Variants in PCDH9 observed in about 807,000 individuals in gnomAD.
PCDH9 encodes protocadherin-9.
A neutral mutation model predicts 70.6 loss-of-function variants in PCDH9; 24 were observed. The observed-to-expected ratio is 0.34, with a 90% CI of 0.25 to 0.48. The LOEUF is 0.48. Among genes scored for constraint, PCDH9 ranks in the 20% least tolerant of loss-of-function variants. PCDH9 has a pLI of 0.99. For missense variants in PCDH9, 1,281 were observed against 1,503.6 expected, an observed-to-expected ratio of 0.85 and a Z score of 2.45; for synonymous variants, 562 against 558.5, an observed-to-expected ratio of 1.01 and a Z score of -0.09.
chr13:67,088,053 G>A (rs1571393), intron 2 of PCDH9, among the ~76,000 whole-genome samples: 138,217 of 151,766 alleles, frequency 0.91, 63,027 homozygotes, highest in Middle Eastern at 0.93. Context: ...TAGGAATTGC[G>A]GCTACTCTGC....
intron 2 of PCDH9, among the ~76,000 whole-genome samples, chr13:66,911,393 AATAGAG>A (rs1462983683): frequency 6.6e-6 from 1 of 152,180 alleles, no homozygotes; most frequent in African/African-American, 2.4e-5. Flanking sequence ...TCTCTAACTT[AATAGAG>A]ATAAACTGGA....
chr13:67,163,035 CAT>C (rs1465719661), intron 2 of PCDH9, among the ~76,000 whole-genome samples: 1 of 152,038 alleles, frequency 6.6e-6, no homozygotes, highest in African/African-American at 2.4e-5. Context: ...AATTAATCAC[CAT>C]ATATAGATAG....
intron 4 of PCDH9, among the ~76,000 whole-genome samples, chr13:66,523,914 G>A (rs1264105259): frequency 6.6e-6 from 1 of 151,930 alleles, no homozygotes; most frequent in African/African-American, 2.4e-5. Context: ...TTTATAATGG[G>A]TTATACATTT....
intron 3 of PCDH9, among the ~76,000 whole-genome samples, chr13:66,848,570 A>G (rs1183714532): frequency 6.6e-6 from 1 of 152,176 alleles, no homozygotes; most frequent in East Asian, 1.9e-4. Flanking sequence ...CCCAAATCTT[A>G]TCATCAGTAT....
chr13:66,911,495 A>G (rs767510673), intron 2 of PCDH9, among the ~76,000 whole-genome samples: 2 of 152,172 alleles, frequency 1.3e-5, no homozygotes, highest in Non-Finnish European at 2.9e-5. Flanking sequence ...TTCTGTGCAC[A>G]TTATGTCACT....
intron 4 of PCDH9, among the ~76,000 whole-genome samples, chr13:66,316,185 G>A (rs2138075086): frequency 1.3e-5 from 2 of 152,188 alleles, no homozygotes; most frequent in South Asian, 4.2e-4. Context: ...GGATCACTTT[G>A]ATTACACGGA....
At chr13:66,720,333 T>TG (rs2078925950) in intron 3 of PCDH9, among the ~76,000 whole-genome samples, 1 of 149,760 alleles carries the variant, frequency 6.7e-6, no homozygotes, top group East Asian at 2.0e-4. Context: ...TTTGTTTTTT[T>TG]TTTTTTTTTG....
intron 2 of PCDH9, among the ~76,000 whole-genome samples, chr13:66,934,816 G>C (rs1040210619): frequency 8.1e-6 from 1 of 124,180 alleles, no homozygotes; most frequent in African/African-American, 3.0e-5. Context: ...CGCCTCCCGG[G>C]TTCACGCCAT....
chr13:66,329,387 C>G (rs1396164415), intron 4 of PCDH9, among the ~76,000 whole-genome samples: 3 of 152,202 alleles, frequency 2.0e-5, no homozygotes, highest in Non-Finnish European at 2.9e-5. Context: ...GGGAGCTGCT[C>G]AGTCACTGAA....
chr13:67,225,333 A>G (rs1298499629), intron 2 of PCDH9, 72 bp downstream of exon 2: 2 of 1,478,858 alleles, frequency 1.4e-6, no homozygotes, highest in East Asian at 4.5e-5. Context: ...CAATAGACAT[A>G]CTGGCACGTT....
rs144039309 is a variant in PCDH9, at chr13:66,460,578, G to A, written c.3341-155550C>T. Among the ~76,000 whole-genome samples, 255 of 152,008 alleles carry A rather than the reference G, an allele frequency of 1.7e-3. 1 individual carries two copies. The highest frequency in any genetic ancestry group is 5.8e-3 in the African/African-American group (239 of 41,536). On this transcript the variant is annotated intron_variant, in intron 4 of 4. Transcript: ENST00000377865. ...TCCTGAGCCTTTTCTCACAGGGACT[G>A]CAAAGCATTGAATGGTTGTTGTAAC...
intron 3 of PCDH9, among the ~76,000 whole-genome samples, chr13:66,887,722 T>A (rs550468118): frequency 2.3e-4 from 35 of 152,350 alleles, no homozygotes; most frequent in Non-Finnish European, 4.4e-4. Context: ...TCCATTCATA[T>A]CTTTATTTCA....
Position 67,041,919 on chromosome 13 carries a change from TGTAACTA to T in PCDH9, c.3037-138321_3037-138315del, listed in dbSNP as rs2085124596. On this transcript the variant is annotated intron_variant, in intron 2 of 4. Coordinates refer to ENST00000377865, the MANE Select transcript of PCDH9 (RefSeq NM_203487.3). ...CCCCTTTGCCAGTTAAGCAAGACCATGTAACTAGTTCTGGTCACTGAATTGTGGTCAA... is the reference window on the plus strand; with the variant it reads ...CCCCTTTGCCAGTTAAGCAAGACCATGTTCTGGTCACTGAATTGTGGTCAA... 2.0e-5 allele frequency among the ~76,000 whole-genome samples: 3 copies of T among 152,066 alleles called. 1 individual carries two copies. Among genetic ancestry groups the T allele is most frequent in the African/African-American group, 4.8e-5 (2 of 41,400 alleles).
chr13:67,012,626 G>C (rs934217289), intron 2 of PCDH9, among the ~76,000 whole-genome samples: 1 of 151,942 alleles, frequency 6.6e-6, no homozygotes, highest in African/African-American at 2.4e-5. Flanking sequence ...TGAATGGTTA[G>C]TGAGTCGCAT....
At chr13:66,396,185 C>T (rs1027224986) in intron 4 of PCDH9, among the ~76,000 whole-genome samples, 5 of 152,170 alleles carry the variant, frequency 3.3e-5, no homozygotes, top group African/African-American at 1.2e-4. Context: ...GAAAAGTACA[C>T]ATACCCAGTG....
At chr13:66,824,704 A>G (rs2080785522) in intron 3 of PCDH9, among the ~76,000 whole-genome samples, 1 of 136,874 alleles carries the variant, frequency 7.3e-6, no homozygotes, top group South Asian at 2.3e-4. Flanking sequence ...ATATGCACAC[A>G]CACATATATA....
chr13:66,631,044 T>C (rs192783829), intron 4 of PCDH9, among the ~76,000 whole-genome samples, 166 bp downstream of exon 4: 4 of 152,312 alleles, frequency 2.6e-5, no homozygotes, highest in African/African-American at 9.6e-5. Context: ...GCCAAAATCA[T>C]ATCAAACATA....
At chr13:66,597,361 T>C (rs1244271852) in intron 4 of PCDH9, among the ~76,000 whole-genome samples, 1 of 151,718 alleles carries the variant, frequency 6.6e-6, no homozygotes, top group Non-Finnish European at 1.5e-5. Context: ...CAAAACAGGA[T>C]GGTACTGGCA....
rs1475807432 is a variant in PCDH9, at chr13:67,225,692, T to C, written c.2749A>G (p.Arg917Gly). The C allele has an allele frequency of 6.2e-7, 1 of 1,614,204 alleles. No individual in the cohort carries two copies. Among genetic ancestry groups the C allele is most frequent in the African/African-American group, 1.3e-5 (1 of 75,058 alleles). The change falls in exon 2 of 5, where the codon AGA (arginine) becomes GGA (glycine). Residue 917 changes from arginine (R) to glycine (G), a missense_variant. By Grantham distance (125) the Arg-to-Gly change is moderately radical. Coordinates refer to ENST00000377865, the MANE Select transcript of PCDH9 (RefSeq NM_203487.3). ...PAELEEQSIGRFDWGPAPPTT... is the reference protein window; with the variant it reads ...PAELEEQSIGGFDWGPAPPTT... ...GGAGGTGCCGGGCCCCAGTCAAATC[T>C]TCCTATACTTTGCTCCTCCAGTTCA... is the stretch of plus-strand genomic sequence containing the variant.
Sources: allele counts gnomAD v4.1 joint callset (sites outside exome capture counted in the v4.1 genomes callset), GRCh38; gene constraint gnomAD v4.1.1; transcripts MANE v1.5; gene names NCBI Gene and HGNC (gene_info 2026-07-23, HGNC 2026-07-21).